The following TRIM75 variants were observed in gnomAD, a reference collection of about 807,000 sequenced individuals.
TRIM75 encodes the protein tripartite motif containing 75.
the TRIM75 span, among the ~76,000 whole-genome samples, chr4:165,056,649 C>G: frequency 8.8e-6 from 1 of 113,068 alleles, no homozygotes; most frequent in Non-Finnish European, 1.7e-5. Context: ...GAGTCTCGCT[C>G]TGTTGCCCAG....
At chr4:165,058,354 A>T in the TRIM75 span, among the ~76,000 whole-genome samples, 1 of 151,072 alleles carries the variant, frequency 6.6e-6, no homozygotes, top group Non-Finnish European at 1.5e-5. Context: ...TTATTTTTTT[A>T]TTTTTTTATT....
At chr4:165,059,235 G>A in the TRIM75 span, 23 of 780,132 alleles carry the variant, frequency 2.9e-5, no homozygotes, top group Admixed American at 2.2e-4. Context: ...CGTCACCATC[G>A]AATGTGGGCA....
At chr4:165,060,244 G>C in the TRIM75 span, 2 of 780,822 alleles carry the variant, frequency 2.6e-6, no homozygotes, top group Non-Finnish European at 4.8e-6. Context: ...ATTGGCATTT[G>C]CAAAGATTCT....
the TRIM75 span, among the ~76,000 whole-genome samples, chr4:165,058,256 C>G: frequency 6.6e-6 from 1 of 152,216 alleles, no homozygotes; most frequent in Non-Finnish European, 1.5e-5. Context: ...GAGCCTTGAC[C>G]TCTGTGGCTC....
At chr4:165,058,282 C>T in the TRIM75 span, among the ~76,000 whole-genome samples, 8 of 152,182 alleles carry the variant, frequency 5.3e-5, no homozygotes, top group African/African-American at 1.4e-4. Context: ...TTCCTCCTGC[C>T]TCAACCTCCC....
chr4:165,059,842 G>A, the TRIM75 span: 362 of 780,840 alleles, frequency 4.6e-4, no homozygotes, highest in African/African-American at 5.7e-3. Context: ...ACACTCAAAA[G>A]CCAGTTAAGT....
At chr4:165,055,760 A>T in the TRIM75 span, among the ~76,000 whole-genome samples, 4 of 152,070 alleles carry the variant, frequency 2.6e-5, no homozygotes, top group African/African-American at 9.7e-5. Flanking sequence ...AGGGCGAGAG[A>T]ATGCACTCTG....
At chr4:165,054,642 C>T in the TRIM75 span, among the ~76,000 whole-genome samples, 2 of 152,122 alleles carry the variant, frequency 1.3e-5, no homozygotes, top group Non-Finnish European at 1.5e-5. Flanking sequence ...TCAAGTGTTC[C>T]GCCTGCCTCG....
At chr4:165,054,985 G>A in the TRIM75 span, among the ~76,000 whole-genome samples, 3 of 152,068 alleles carry the variant, frequency 2.0e-5, no homozygotes, top group Non-Finnish European at 4.4e-5. Flanking sequence ...CCGAGGCCCT[G>A]AGGTCCCCAT....
chr4:165,058,335 A>C, the TRIM75 span, among the ~76,000 whole-genome samples: 2 of 149,958 alleles, frequency 1.3e-5, no homozygotes, highest in Admixed American at 6.7e-5. Context: ...TGCCCAACTA[A>C]TTTTTTTTTT....
the TRIM75 span, among the ~76,000 whole-genome samples, chr4:165,056,343 T>G: frequency 6.6e-6 from 1 of 151,434 alleles, no homozygotes; most frequent in Non-Finnish European, 1.5e-5. Context: ...CCAGTAAGGG[T>G]GAAATCAGCA....
the TRIM75 span, among the ~76,000 whole-genome samples, chr4:165,057,193 T>C: frequency 6.6e-6 from 1 of 152,162 alleles, no homozygotes; most frequent in Non-Finnish European, 1.5e-5. Flanking sequence ...TTCCTCTTTT[T>C]TGAAGTTCAA....
At chr4:165,055,146 AT>A in the TRIM75 span, among the ~76,000 whole-genome samples, 24 of 150,940 alleles carry the variant, frequency 1.6e-4, no homozygotes, top group African/African-American at 4.4e-4. Flanking sequence ...TTAAAAAAAA[AT>A]TTTTTTTTGT....
the TRIM75 span, chr4:165,060,161 T>C: frequency 1.3e-6 from 1 of 780,960 alleles, no homozygotes; most frequent in Admixed American, 1.7e-5. Flanking sequence ...AGCCAGTTGT[T>C]CTGGGTTTTC....
the TRIM75 span, among the ~76,000 whole-genome samples, chr4:165,057,535 GTTTT>G: frequency 2.6e-5 from 4 of 151,888 alleles, no homozygotes; most frequent in Admixed American, 6.6e-5. Context: ...TTTGTTTTTT[GTTTT>G]TTGTTTGTGT....
the TRIM75 span, among the ~76,000 whole-genome samples, chr4:165,054,993 C>T: frequency 6.6e-6 from 1 of 152,070 alleles, no homozygotes; most frequent in Non-Finnish European, 1.5e-5. Context: ...CTGAGGTCCC[C>T]ATCAGGCTGT....
chr4:165,059,052 G>A, the TRIM75 span: 1 of 634,870 alleles, frequency 1.6e-6, no homozygotes. Context: ...AGGACAGTGA[G>A]ATCTAAGAGC....
chr4:165,057,394 C>T, the TRIM75 span, among the ~76,000 whole-genome samples: 1 of 151,954 alleles, frequency 6.6e-6, no homozygotes, highest in South Asian at 2.1e-4. Flanking sequence ...CACTGAGTGA[C>T]CAAAAGAGAA....
At chr4:165,060,129 T>G in the TRIM75 span, 1 of 780,838 alleles carries the variant, frequency 1.3e-6, no homozygotes, top group African/African-American at 1.7e-5. Flanking sequence ...GGTTCCTGGT[T>G]TCCCAAAAAG....
Sources: gnomAD v4.1 joint callset for allele counts (sites outside exome capture counted in the v4.1 genomes callset) on GRCh38, gnomAD v4.1.1 for gene constraint, MANE v1.5 for transcripts, NCBI Gene and HGNC (gene_info 2026-07-23, HGNC 2026-07-21) for gene names.